Variants in JAM2 observed in about 807,000 individuals in gnomAD.
JAM2 encodes the protein junctional adhesion molecule B.
In JAM2, 17 loss-of-function variants were observed where a neutral mutation model predicts 42.0. The observed-to-expected ratio is 0.40, with a 90% CI of 0.28 to 0.61. The LOEUF is 0.61. Among genes scored for constraint, JAM2 ranks in the 20% least tolerant of loss-of-function variants. The probability of loss-of-function intolerance (pLI) is 0.37; values close to 1 mark genes in which losing one functional copy is unlikely to be tolerated. For missense variants in JAM2, 319 were observed against 358.3 expected (o/e 0.89, Z 0.89); for synonymous variants, 118 against 128.6 (o/e 0.92, Z 0.56).
intron 4 of JAM2, among the ~76,000 whole-genome samples, chr21:25,696,043 G>A (rs2034016480): frequency 6.6e-6 from 1 of 152,216 alleles, no homozygotes; most frequent in African/African-American, 2.4e-5. Context: ...AGGCGGCTGG[G>A]AGGTGGAGGT....
chr21:25,691,131 A>C (rs2033871660), intron 3 of JAM2, among the ~76,000 whole-genome samples: 1 of 152,260 alleles, frequency 6.6e-6, no homozygotes, highest in Non-Finnish European at 1.5e-5. Context: ...TTTACAAGTT[A>C]AAATAAACAT....
At chr21:25,671,686 T>G (rs57503516) in intron 1 of JAM2, among the ~76,000 whole-genome samples, 13,123 of 152,090 alleles carry the variant, frequency 0.086, 864 homozygotes, top group East Asian at 0.37. Context: ...TTTGTATTTT[T>G]TTAGTAGAGA....
Position 25,698,879 on chromosome 21 carries a change from G to C in JAM2, c.597G>C (p.Leu199=). The C allele has an allele frequency of 6.2e-7, 1 of 1,612,920 alleles. No individual in the cohort carries two copies. The highest frequency in any genetic ancestry group is 8.5e-7 in the Non-Finnish European group (1 of 1,179,090). ...SYTMNTKTGT[L]QFNTVSKLDT... is the part of the protein sequence containing the mutation. The stretch of plus-strand genomic sequence containing the variant: ...CAATGAATACAAAAACTGGAACTCT[G>C]GTAAGGTCATTTCAAGATTTGACTT... Residue 199 remains leucine, a splice_region_variant and synonymous_variant, in exon 5 of 10, where the codon CTG becomes CTC. Coordinates refer to ENST00000480456, the MANE Select transcript of JAM2 (RefSeq NM_021219.4).
intron 1 of JAM2, among the ~76,000 whole-genome samples, chr21:25,673,993 C>G (rs934703546): frequency 3.3e-5 from 5 of 152,330 alleles, no homozygotes; most frequent in South Asian, 2.1e-4. Flanking sequence ...CTCTCATTCT[C>G]TCTTGACTGC....
intron 3 of JAM2, among the ~76,000 whole-genome samples, chr21:25,692,781 T>C (rs962883724): frequency 6.6e-6 from 1 of 152,208 alleles, no homozygotes; most frequent in African/African-American, 2.4e-5. Flanking sequence ...AATATGACAA[T>C]ACCTTACAAA....
At chr21:25,662,432 G>GA (rs2033113897) in intron 1 of JAM2, among the ~76,000 whole-genome samples, 1 of 364 alleles carries the variant, frequency 2.7e-3, no homozygotes, top group South Asian at 0.17. Context: ...TTACAGGCGT[G>GA]AGCACTGTGA....
intron 1 of JAM2, among the ~76,000 whole-genome samples, chr21:25,641,977 T>C (rs2032458506): frequency 6.6e-6 from 1 of 152,186 alleles, no homozygotes; most frequent in African/African-American, 2.4e-5. Flanking sequence ...TATAGGTTTT[T>C]TGGAGGAAGA....
intron 6 of JAM2, among the ~76,000 whole-genome samples, chr21:25,705,648 T>G (rs2034256156): frequency 6.6e-6 from 1 of 152,230 alleles, no homozygotes; most frequent in African/African-American, 2.4e-5. Context: ...GTAGAATACT[T>G]GAACTCATTG....
At chr21:25,647,817 C>A (rs1568886133) in intron 1 of JAM2, among the ~76,000 whole-genome samples, 1 of 152,050 alleles carries the variant, frequency 6.6e-6, no homozygotes, top group Non-Finnish European at 1.5e-5. Context: ...TTAAAGGAGA[C>A]CAAAGAGGAA....
At chr21:25,684,974 G>T (rs2033717388) in intron 2 of JAM2, among the ~76,000 whole-genome samples, 1 of 151,906 alleles carries the variant, frequency 6.6e-6, no homozygotes, top group Non-Finnish European at 1.5e-5. Context: ...TAATAATATT[G>T]GGCAATCAGA....
chr21:25,703,831 A>G (rs2034217600), intron 6 of JAM2, among the ~76,000 whole-genome samples: 1 of 152,048 alleles, frequency 6.6e-6, no homozygotes, highest in South Asian at 2.1e-4. Context: ...ACTGAGGCAT[A>G]ATATGGCTGT....
At chr21:25,700,238 TTCAG>T (rs1020189139) in intron 5 of JAM2, among the ~76,000 whole-genome samples, 23 of 151,884 alleles carry the variant, frequency 1.5e-4, no homozygotes, top group Non-Finnish European at 3.2e-4. Flanking sequence ...TTAAAAAAAA[TTCAG>T]TCAATGTAAT....
intron 2 of JAM2, among the ~76,000 whole-genome samples, chr21:25,685,783 C>T (rs1011595739): frequency 1.3e-5 from 2 of 152,126 alleles, no homozygotes; most frequent in South Asian, 2.1e-4. Context: ...AGAATGGAAG[C>T]TGGAAAGGCC....
chr21:25,683,139 G>A (rs940291546), intron 1 of JAM2, among the ~76,000 whole-genome samples: 32 of 72,670 alleles, frequency 4.4e-4, no homozygotes, highest in African/African-American at 1.8e-3. Flanking sequence ...CCAGGGAACT[G>A]CCTTCTTCTA....
chr21:25,678,947 G>A (rs1412702432), intron 1 of JAM2, among the ~76,000 whole-genome samples: 1 of 152,164 alleles, frequency 6.6e-6, no homozygotes, highest in Non-Finnish European at 1.5e-5. Context: ...CTACAGGCAG[G>A]TGCTACCACA....
At chr21:25,665,267 G>A (rs1041483833) in intron 1 of JAM2, among the ~76,000 whole-genome samples, 7 of 152,134 alleles carry the variant, frequency 4.6e-5, no homozygotes, top group African/African-American at 1.4e-4. Context: ...ATGGTATTAA[G>A]GTTTAAAGGC....
intron 1 of JAM2, among the ~76,000 whole-genome samples, chr21:25,677,665 C>A (rs1346411079): frequency 2.0e-5 from 3 of 152,122 alleles, no homozygotes. Context: ...TTGAAAAGTT[C>A]AAAGGTATGA....
At position 25,662,995 on chromosome 21, in the gene JAM2, C is replaced by G. The variant is rs746635494; in HGVS notation, c.68-20888C>G. On this transcript the variant is annotated intron_variant, in intron 1 of 9. Transcript: ENST00000480456. The stretch of plus-strand genomic sequence containing the variant: ...TATGTCAGATAGAGAAGGTTTGACT[C>G]TGTATGGGAGGACAGAAGGGGCCAG... 4.5e-4 allele frequency among the ~76,000 whole-genome samples: 69 copies of G among 152,178 alleles called. 1 individual carries two copies. Among genetic ancestry groups the G allele is most frequent in the Middle Eastern group, 3.2e-3 (1 of 316 alleles).
At chr21:25,683,819 A>T in intron 1 of JAM2, 64 bp from the exon 2 acceptor site, 1 of 1,201,670 alleles carries the variant, frequency 8.3e-7, no homozygotes, top group Non-Finnish European at 1.2e-6. Flanking sequence ...ATTGCATCCC[A>T]TTCAGACATT....
Sources: allele counts gnomAD v4.1 joint callset (sites outside exome capture counted in the v4.1 genomes callset), GRCh38; gene constraint gnomAD v4.1.1; transcripts MANE v1.5; gene names NCBI Gene and HGNC (gene_info 2026-07-23, HGNC 2026-07-21).